ABCC1: variants seen among roughly 807,000 people sequenced by gnomAD.
ABCC1 encodes the protein ATP binding cassette subfamily C member 1 (ABCC1 blood group).
ABCC1 carries 83 observed loss-of-function variants against 172.9 expected under a neutral mutation model. That is an observed-to-expected ratio of 0.48 (90% confidence interval 0.40 to 0.58). ABCC1 has a LOEUF of 0.58. Among genes scored for constraint, ABCC1 ranks in the 20% least tolerant of loss-of-function variants. The pLI is 0.00. For missense variants in ABCC1, 1,817 were observed against 2,002.7 expected, an observed-to-expected ratio of 0.91 and a Z score of 1.77; for synonymous variants, 937 against 825.2, an observed-to-expected ratio of 1.14 and a Z score of -2.32.
rs538129465 is a variant in ABCC1 at position 16,057,773 on chromosome 16, T to C, written c.1677+1478T>C. Among the ~76,000 whole-genome samples the C allele has an allele frequency of 3.3e-5, 5 of 152,186 alleles. No homozygotes were observed. The East Asian group carries it at 9.6e-4, about 29-fold the overall frequency. On this transcript the variant is annotated intron_variant, in intron 12 of 30. Transcript: ENST00000399410. The stretch of plus-strand genomic sequence containing the variant: ...TTCATTCTGGTCTACTTCATTTTAG[T>C]TTTTTGGGGGGTTTTGTTTTGAAAT...
intron 1 of ABCC1, among the ~76,000 whole-genome samples, chr16:15,969,367 C>CTTTTTTTTTTTT (rs57250944): frequency 7.6e-6 from 1 of 131,608 alleles, no homozygotes. Flanking sequence ...GCTGGTCAGT[C>CTTTTTTTTTTTT]TTTTTTTTTT....
chr16:16,055,000 C>T lies in ABCC1; in HGVS notation c.1474-1092C>T, dbSNP rs185857330. Among the ~76,000 whole-genome samples, 13 of 152,228 alleles carry T rather than the reference C, an allele frequency of 8.5e-5. No individual in the cohort carries two copies. In the East Asian group the frequency reaches 2.5e-3, roughly 29 times the overall value. On this transcript the variant is annotated intron_variant, in intron 11 of 30. Coordinates refer to ENST00000399410, the MANE Select transcript of ABCC1 (RefSeq NM_004996.4). ...ATCCCAGCTCTTTGGGAGCCTGAGGCAGGAGGTTGGCTTGTGGCCAGGAGT... is the reference window on the plus strand; with the variant it reads ...ATCCCAGCTCTTTGGGAGCCTGAGGTAGGAGGTTGGCTTGTGGCCAGGAGT...
At chr16:16,015,586 GAGTTCATGTTTTCAA>G (rs1356614492) in intron 4 of ABCC1, among the ~76,000 whole-genome samples, 1 of 152,228 alleles carries the variant, frequency 6.6e-6, no homozygotes, top group Non-Finnish European at 1.5e-5. Context: ...GATGCTGATT[GAGTTCATGTTTTCAA>G]AGTGCCTCGC....
chr16:16,065,332 C>A (rs2050070901), intron 12 of ABCC1, among the ~76,000 whole-genome samples: 1 of 152,176 alleles, frequency 6.6e-6, no homozygotes, highest in Non-Finnish European at 1.5e-5. Context: ...ACAGTAATAG[C>A]TCACTGCAGC....
chr16:16,130,711 C>G (rs2045642325), intron 26 of ABCC1, among the ~76,000 whole-genome samples: 1 of 152,174 alleles, frequency 6.6e-6, no homozygotes, highest in African/African-American at 2.4e-5. Context: ...ATTCTTTGTT[C>G]CGTAGGAAGT....
chr16:15,972,814 A>C, intron 1 of ABCC1, among the ~76,000 whole-genome samples: 1 of 30,306 alleles, frequency 3.3e-5, no homozygotes, highest in African/African-American at 1.0e-4. Flanking sequence ...TTTTTTTTTG[A>C]GGCAAGGTCT....
rs2044778375 is a variant in ABCC1, at chr16:16,114,807, G to A, written c.3121G>A (p.Gly1041Arg). 1 of 1,607,822 alleles carries A rather than the reference G, an allele frequency of 6.2e-7. No homozygotes were observed. Among genetic ancestry groups the A allele is most frequent in the Admixed American group, 1.7e-5 (1 of 59,888 alleles). ...CTACTCCATGGCCGTGTCCATCGGG[G>A]GGATCTTGGCTTCCCGCTGTCTGCA... ...FGYSMAVSIGGILASRCLHVD... is the reference protein window; with the variant it reads ...FGYSMAVSIGRILASRCLHVD... Residue 1041 changes from glycine to arginine, a missense_variant, in exon 23 of 31, where the codon GGG becomes AGG. By Grantham distance (125) the Gly-to-Arg change is moderately radical (BLOSUM62 -2). Coordinates refer to ENST00000399410, the MANE Select transcript of ABCC1 (RefSeq NM_004996.4).
chr16:16,093,441 T>C (rs2051333150), intron 19 of ABCC1, among the ~76,000 whole-genome samples: 1 of 152,056 alleles, frequency 6.6e-6, no homozygotes, highest in Non-Finnish European at 1.5e-5. Context: ...CATGGAAGGC[T>C]GCCAGATGCT....
intron 9 of ABCC1, among the ~76,000 whole-genome samples, chr16:16,047,068 C>G (rs553426683): frequency 6.6e-6 from 1 of 152,076 alleles, no homozygotes; most frequent in Non-Finnish European, 1.5e-5. Flanking sequence ...TATGGTGGTG[C>G]GTACCTGTAG....
At position 16,115,718 on chromosome 16, in the gene ABCC1, A is replaced by G. The variant is rs1242566932; in HGVS notation, c.3390+642A>G. Among the ~76,000 whole-genome samples the G allele has an allele frequency of 2.0e-5, 3 of 151,988 alleles. No homozygotes were observed. The East Asian group carries it at 5.8e-4, about 29-fold the overall frequency. ...AGGAGGCAGGAACTAAACAAAAAAC[A>G]TGACTAATAGCAGCCTAAATAAGAT... On this transcript the variant is annotated intron_variant, in intron 23 of 30. Coordinates refer to ENST00000399410, the MANE Select transcript of ABCC1 (RefSeq NM_004996.4).
intron 19 of ABCC1, chr16:16,098,998 T>G (rs1477657681): frequency 2.7e-6 from 3 of 1,114,444 alleles, no homozygotes; most frequent in Non-Finnish European, 3.7e-6. Flanking sequence ...TGCCGTCAGA[T>G]GTCTGTGTTT....
chr16:16,097,402 C>A (rs115215588), intron 19 of ABCC1, among the ~76,000 whole-genome samples: 1 of 152,196 alleles, frequency 6.6e-6, no homozygotes, highest in East Asian at 1.9e-4. Flanking sequence ...CATGAGCCAT[C>A]GTGCCCGGCT....
In ABCC1 at chr16:16,106,729, C is replaced by G. The variant is rs2052132356; in HGVS notation, c.2736-9C>G. On this transcript the variant is annotated splice_polypyrimidine_tract_variant and intron_variant, in intron 20 of 30. Transcript: ENST00000399410. ...GTACGGTTGACACCCTTGTGCTTTGCTTCTCCAGACAGCTCAGCAGCTCCT... is the reference window on the plus strand; with the variant it reads ...GTACGGTTGACACCCTTGTGCTTTGGTTCTCCAGACAGCTCAGCAGCTCCT... The G allele has an allele frequency of 6.2e-7, 1 of 1,613,806 alleles. No homozygotes were observed. The highest frequency in any genetic ancestry group is 8.5e-7 in the Non-Finnish European group (1 of 1,180,020).
intron 19 of ABCC1, chr16:16,098,917 G>A (rs1272653705): frequency 7.4e-7 from 1 of 1,351,926 alleles, no homozygotes; most frequent in African/African-American, 1.5e-5. Flanking sequence ...GTACTGCCCG[G>A]GTTGGAGTTG....
intron 12 of ABCC1, among the ~76,000 whole-genome samples, chr16:16,060,469 ATTC>A (rs2049863468): frequency 6.6e-6 from 1 of 152,038 alleles, no homozygotes. Flanking sequence ...TGTACATTGC[ATTC>A]TTCTTACACT....
intron 1 of ABCC1, among the ~76,000 whole-genome samples, chr16:15,961,279 A>C (rs2046125555): frequency 6.6e-6 from 1 of 152,152 alleles, no homozygotes; most frequent in Non-Finnish European, 1.5e-5. Flanking sequence ...ATTCTCCGCC[A>C]AAGGCTTGTT....
chr16:16,069,733 G>GA (rs904045431), intron 13 of ABCC1, among the ~76,000 whole-genome samples: 20 of 149,228 alleles, frequency 1.3e-4, no homozygotes, highest in South Asian at 4.2e-4. Context: ...AAAAGAAAAA[G>GA]AAAAAAAAAG....
intron 1 of ABCC1, among the ~76,000 whole-genome samples, chr16:15,958,115 TA>T (rs1226280186): frequency 6.6e-6 from 1 of 152,142 alleles, no homozygotes; most frequent in Admixed American, 6.5e-5. Context: ...TATTTTATAT[TA>T]TTTTTTTGAG....
chr16:16,084,304 T>C (rs923446254), intron 17 of ABCC1, among the ~76,000 whole-genome samples: 2 of 152,072 alleles, frequency 1.3e-5, no homozygotes, highest in Non-Finnish European at 2.9e-5. Context: ...GGTTTCACCA[T>C]GTTGGCCAGG....
Sources: gnomAD v4.1 joint callset for allele counts (sites outside exome capture counted in the v4.1 genomes callset) on GRCh38, gnomAD v4.1.1 for gene constraint, MANE v1.5 for transcripts, NCBI Gene and HGNC (gene_info 2026-07-23, HGNC 2026-07-21) for gene names.